Variants in CPNE1 observed in about 807,000 individuals in gnomAD.
CPNE1 encodes the protein copine 1.
CPNE1 carries 58 observed loss-of-function variants against 63.2 expected under a neutral mutation model. That is an observed-to-expected ratio of 0.92 (90% CI 0.74 to 1.14). The LOEUF (loss-of-function observed/expected upper bound fraction) is 1.14, where lower values mean the gene tolerates loss of function less well. Ranked by LOEUF, CPNE1 falls within the 50% of genes most tolerant of loss-of-function variation. The pLI is 0.00. For synonymous variants in CPNE1, 237 were observed against 249.0 expected (o/e 0.95, Z 0.45); for missense variants, 672 against 661.7 (o/e 1.02, Z -0.17).
intron 1 of CPNE1, 175 bp downstream of exon 1, chr20:35,664,585 T>TA (rs1301485521): frequency 2.0e-5 from 3 of 152,326 alleles, no homozygotes; most frequent in Non-Finnish European, 4.4e-5. Context: ...TTGCATCCTC[T>TA]CAGATCTCAG....
rs766227451 is a variant in CPNE1, at chr20:35,632,613, G to T, written c.213C>A (p.Val71=). The T allele has an allele frequency of 1.5e-5, 24 of 1,592,248 alleles. No individual in the cohort carries two copies. In the South Asian group the frequency reaches 2.5e-4, roughly 17 times the overall value. The change falls in exon 3 of 16, where the codon GTC becomes GTA. Residue 71 remains valine, a synonymous_variant. Coordinates refer to ENST00000397443, the MANE Select transcript of CPNE1 (RefSeq NM_152925.3). The part of the protein sequence containing the change: ...TLQLEYRFET[V]QKLRFGIYDI... Reference sequence around the variant, plus strand: ...CATAGATTCCAAAGCGTAGCTTCTGGACTGTCTCAAAGCGGTACTCAAGCT... The same window carrying T: ...CATAGATTCCAAAGCGTAGCTTCTGTACTGTCTCAAAGCGGTACTCAAGCT...
chr20:35,657,097 C>T (rs535930961), intron 1 of CPNE1, among the ~76,000 whole-genome samples: 26 of 152,202 alleles, frequency 1.7e-4, no homozygotes, highest in African/African-American at 6.0e-4. Context: ...AATAAAAAGC[C>T]ACCTTCAAAT....
intron 1 of CPNE1, among the ~76,000 whole-genome samples, chr20:35,655,906 A>G (rs1439873146): frequency 6.6e-6 from 1 of 152,244 alleles, no homozygotes; most frequent in Non-Finnish European, 1.5e-5. Context: ...AGTAGATTCA[A>G]GTCTTAAATG....
chr20:35,633,783 T>C (rs2032314829), intron 1 of CPNE1, among the ~76,000 whole-genome samples: 1 of 149,948 alleles, frequency 6.7e-6, no homozygotes, highest in African/African-American at 2.5e-5. Flanking sequence ...TGAAACCCCG[T>C]CTCTACTAAA....
chr20:35,658,002 C>T (rs111306810), intron 1 of CPNE1, among the ~76,000 whole-genome samples: 15,275 of 151,972 alleles, frequency 0.1, 806 homozygotes, highest in South Asian at 0.15. Context: ...GCAGAGATCA[C>T]GCCACTGCAC....
intron 1 of CPNE1, among the ~76,000 whole-genome samples, chr20:35,634,554 A>G (rs561035255): frequency 6.6e-6 from 1 of 152,186 alleles, no homozygotes; most frequent in Non-Finnish European, 1.5e-5. Flanking sequence ...AGATCGCGCC[A>G]CCGTACTCCA....
In CPNE1 at chr20:35,631,793, A is replaced by T. The variant is rs1175166735; in HGVS notation, c.538-16T>A. ...TCTTGATGACCTGAAGGTGGAGGCCAAGGCCTCCAGTGAGCTCTGGCATGG... is the reference window on the plus strand; with the variant it reads ...TCTTGATGACCTGAAGGTGGAGGCCTAGGCCTCCAGTGAGCTCTGGCATGG... On this transcript the variant is annotated splice_polypyrimidine_tract_variant and intron_variant, in intron 6 of 15. Transcript: ENST00000397443. 2.5e-6 allele frequency: 4 copies of T among 1,597,900 alleles called. No individual in the cohort carries two copies. The highest frequency in any genetic ancestry group is 1.7e-5 in the Admixed American group (1 of 59,970).
intron 11 of CPNE1, 50 bp downstream of exon 11, chr20:35,630,851 G>T (rs895811946): frequency 1.9e-6 from 3 of 1,604,796 alleles, no homozygotes; most frequent in Middle Eastern, 3.3e-4. Context: ...AAGCTCAGAG[G>T]CTGAAGCATC....
chr20:35,654,931 G>C (rs763470463), intron 1 of CPNE1: 7 of 1,613,984 alleles, frequency 4.3e-6, no homozygotes, highest in Non-Finnish European at 4.2e-6. Flanking sequence ...AACTACACTG[G>C]GTGATGGATT....
chr20:35,628,988 G>A (rs1009470315), intron 13 of CPNE1, among the ~76,000 whole-genome samples: 7 of 152,186 alleles, frequency 4.6e-5, no homozygotes, highest in Non-Finnish European at 7.3e-5. Flanking sequence ...TCCAACACAC[G>A]TATACATGTG....
chr20:35,650,605 T>C (rs1568930313), intron 1 of CPNE1: 1 of 152,618 alleles, frequency 6.6e-6, no homozygotes, highest in East Asian at 1.9e-4. Flanking sequence ...TATCTAGTGA[T>C]CGGTCAAAGC....
At chr20:35,654,999 T>C in intron 1 of CPNE1, 1 of 1,614,206 alleles carries the variant, frequency 6.2e-7, no homozygotes, top group Non-Finnish European at 8.5e-7. Flanking sequence ...CTGAGCTAGG[T>C]GGTGGTCCTG....
At position 35,628,626 on chromosome 20, in the gene CPNE1, A is replaced by G. The variant is rs112298748; in HGVS notation, c.1103-1213T>C. On this transcript the variant is annotated intron_variant, in intron 13 of 15. Transcript: ENST00000397443. The stretch of plus-strand genomic sequence containing the variant: ...CCCAAACTGAGGGACATTCTAGAAA[A>G]TATCTGGCCTATACTGTTTATATCA... 2.4e-3 allele frequency among the ~76,000 whole-genome samples: 367 copies of G among 152,318 alleles called. 3 individuals carry two copies. The highest frequency in any genetic ancestry group is 8.7e-3 in the African/African-American group (363 of 41,558).
At chr20:35,647,489 T>G (rs1044510092) in intron 1 of CPNE1, 1 of 151,964 alleles carries the variant, frequency 6.6e-6, no homozygotes, top group East Asian at 1.9e-4. Context: ...TTCAAGGGAT[T>G]TGGTTGTGAT....
intron 1 of CPNE1, among the ~76,000 whole-genome samples, chr20:35,646,252 C>CAAAAAAAAAAAAAAAAAAAA (rs549372063): frequency 3.4e-5 from 2 of 58,358 alleles, no homozygotes; most frequent in Non-Finnish European, 7.7e-5. Context: ...AAGACCATCT[C>CAAAAAAAAAAAAAAAAAAAA]AAAAAAAAAA....
At chr20:35,655,400 T>C in intron 1 of CPNE1, 2 of 1,420,066 alleles carry the variant, frequency 1.4e-6, no homozygotes, top group Non-Finnish European at 9.5e-7. Context: ...ACACCAAGTT[T>C]TTAGCTACAA....
At chr20:35,627,925 G>C (rs2031862983) in intron 13 of CPNE1, among the ~76,000 whole-genome samples, 1 of 152,082 alleles carries the variant, frequency 6.6e-6, no homozygotes, top group South Asian at 2.1e-4. Flanking sequence ...TGGGAGGACT[G>C]CTTGAGCCCA....
At position 35,631,670 on chromosome 20, in the gene CPNE1, AG is replaced by A. The variant is rs2032152952; in HGVS notation, c.627+17del. 2 of 1,613,314 alleles carry A rather than the reference AG, an allele frequency of 1.2e-6. No individual in the cohort carries two copies. Among genetic ancestry groups the A allele is most frequent in the Non-Finnish European group, 1.7e-6 (2 of 1,179,258 alleles). On this transcript the variant is annotated intron_variant, in intron 7 of 15. Coordinates refer to ENST00000397443, the MANE Select transcript of CPNE1 (RefSeq NM_152925.3). ...TTCTCTTCTCCAGCGCAGTCCACTTAGGGGGCAAGCTCCTCACCTGGATGGG... is the reference window on the plus strand; with the variant it reads ...TTCTCTTCTCCAGCGCAGTCCACTTAGGGGCAAGCTCCTCACCTGGATGGG...
In CPNE1 at chr20:35,626,709, G is replaced by A. The variant is rs1041295714; in HGVS notation, c.1331C>T (p.Ser444Leu). ...ACCACCCACACCCACAATGATCACT[G>A]ACATGGGCAGGTTCGAGGCACGCAC... Reference protein sequence around the residue: ...AVVRASNLPMSVIIVGVGGAD... With the variant: ...AVVRASNLPMLVIIVGVGGAD... The change falls in exon 15 of 16, where the codon TCA becomes TTA. Residue 444 changes from serine to leucine, a missense_variant. Coordinates refer to ENST00000397443, the MANE Select transcript of CPNE1 (RefSeq NM_152925.3). The A allele has an allele frequency of 8.1e-6, 13 of 1,614,006 alleles. No homozygotes were observed. Among genetic ancestry groups the A allele is most frequent in the African/African-American group, 2.7e-5 (2 of 74,904 alleles).
Sources: allele counts gnomAD v4.1 joint callset (sites outside exome capture counted in the v4.1 genomes callset), GRCh38; gene constraint gnomAD v4.1.1; transcripts MANE v1.5; gene names NCBI Gene and HGNC (gene_info 2026-07-23, HGNC 2026-07-21).